PTPN12: variants seen among roughly 807,000 people sequenced by gnomAD.
PTPN12 encodes the protein tyrosine-protein phosphatase non-receptor type 12.
Under a neutral mutation model 97.6 loss-of-function variants are expected in PTPN12, and 29 were observed. That is an observed-to-expected ratio of 0.30 (90% confidence interval 0.22 to 0.41). The LOEUF is 0.41. Among genes scored for constraint, PTPN12 ranks in the 10% least tolerant of loss-of-function variants. The pLI is 1.00. For missense variants in PTPN12, 819 were observed against 926.0 expected, an observed-to-expected ratio of 0.88 and a Z score of 1.50; for synonymous variants, 327 against 300.4, an observed-to-expected ratio of 1.09 and a Z score of -0.91.
intron 2 of PTPN12, among the ~76,000 whole-genome samples, chr7:77,572,390 C>T (rs1736941966): frequency 6.6e-6 from 1 of 152,244 alleles, no homozygotes; most frequent in East Asian, 1.9e-4. Flanking sequence ...ATTGATTATT[C>T]AAGAATGTTG....
chr7:77,610,580 G>T (rs960436557), intron 9 of PTPN12, among the ~76,000 whole-genome samples, 185 bp from the exon 10 acceptor site: 1 of 152,190 alleles, frequency 6.6e-6, no homozygotes, highest in East Asian at 1.9e-4. Flanking sequence ...CATCTTGAAT[G>T]CTGAGGGTCA....
chr7:77,574,768 C>T (rs117391242), intron 2 of PTPN12, among the ~76,000 whole-genome samples: 2,791 of 152,202 alleles, frequency 0.018, 34 homozygotes, highest in Middle Eastern at 0.071. Context: ...GCCTTTTTTC[C>T]TTTAAGTTAT....
intron 1 of PTPN12, among the ~76,000 whole-genome samples, chr7:77,563,468 G>A (rs1808085870): frequency 6.6e-6 from 1 of 152,174 alleles, no homozygotes; most frequent in African/African-American, 2.4e-5. Flanking sequence ...ATAGAGATGA[G>A]GAAGTGGATG....
In PTPN12 at chr7:77,627,394, C is replaced by A. The variant is rs1227135539; in HGVS notation, c.1715C>A (p.Pro572His). The change falls in exon 13 of 18, where the codon CCT (proline) becomes CAT (histidine). Residue 572 changes from proline to histidine, a missense_variant. Pro to His is a moderately conservative substitution (Grantham distance 77). Coordinates refer to ENST00000248594, the MANE Select transcript of PTPN12 (RefSeq NM_002835.4). ...AAAACTGTGAGTTTAACACCAAGTCCTACAACACAAGTTGAAACACCTGAT... is the reference window on the plus strand; with the variant it reads ...AAAACTGTGAGTTTAACACCAAGTCATACAACACAAGTTGAAACACCTGAT... ...TRKTVSLTPS[P>H]TTQVETPDLV... 1 of 1,614,012 alleles carries A rather than the reference C, an allele frequency of 6.2e-7. No individual in the cohort carries two copies. The highest frequency in any genetic ancestry group is 1.7e-5 in the Admixed American group (1 of 59,998).
chr7:77,594,835 G>T (rs1453267650), intron 6 of PTPN12, among the ~76,000 whole-genome samples: 2 of 152,180 alleles, frequency 1.3e-5, no homozygotes, highest in Non-Finnish European at 2.9e-5. Context: ...GATAACTATA[G>T]TGAATATTAT....
intron 14 of PTPN12, 37 bp from the exon 15 acceptor site, chr7:77,635,745 C>A: frequency 2.2e-6 from 3 of 1,341,538 alleles, no homozygotes; most frequent in South Asian, 2.8e-5. Flanking sequence ...TTCAGAAATT[C>A]AAGGTGTTAA....
intron 12 of PTPN12, among the ~76,000 whole-genome samples, chr7:77,620,740 G>A (rs1788904265): frequency 6.6e-6 from 1 of 151,072 alleles, no homozygotes; most frequent in South Asian, 2.1e-4. Flanking sequence ...ACAAGGTCAG[G>A]AGTTTAAGAC....
chr7:77,630,465 C>T (rs926264599), intron 13 of PTPN12, among the ~76,000 whole-genome samples: 1 of 152,182 alleles, frequency 6.6e-6, no homozygotes, highest in Non-Finnish European at 1.5e-5. Context: ...CTGGGCCATA[C>T]AATGTAACCT....
chr7:77,570,545 A>T (rs1226487191), intron 1 of PTPN12, among the ~76,000 whole-genome samples: 1 of 152,260 alleles, frequency 6.6e-6, no homozygotes, highest in East Asian at 1.9e-4. Flanking sequence ...ACTAACCCAC[A>T]AACTAGTTCT....
intron 12 of PTPN12, among the ~76,000 whole-genome samples, chr7:77,625,490 T>C (rs1446583131): frequency 6.1e-5 from 6 of 98,112 alleles, no homozygotes; most frequent in Non-Finnish European, 1.3e-4. Flanking sequence ...TCTCTCTCTC[T>C]CTCTCTCTCT....
Position 77,638,688 on chromosome 7 carries a change from G to A in PTPN12, c.2238G>A (p.Lys746=). 2.5e-6 allele frequency: 4 copies of A among 1,607,942 alleles called. No homozygotes were observed. Among genetic ancestry groups the A allele is most frequent in the Non-Finnish European group, 3.4e-6 (4 of 1,178,186 alleles). Residue 746 remains lysine, a synonymous_variant, in exon 17 of 18, where the codon AAG becomes AAA. Coordinates refer to ENST00000248594, the MANE Select transcript of PTPN12 (RefSeq NM_002835.4). ...CIECPPTFSD[K]REQISENPTE... Reference sequence around the variant, plus strand: ...AATGTCCACCTACTTTCAGTGACAAGAGAGAACAAATATCAGAAAATCCAA... The same window carrying A: ...AATGTCCACCTACTTTCAGTGACAAAAGAGAACAAATATCAGAAAATCCAA...
At chr7:77,617,542 A>G (rs1788793600) in intron 11 of PTPN12, among the ~76,000 whole-genome samples, 1 of 152,196 alleles carries the variant, frequency 6.6e-6, no homozygotes, top group African/African-American at 2.4e-5. Flanking sequence ...AGTGCCTTTT[A>G]ATTAAAAACA....
chr7:77,613,240 TCTCGG>T (rs1466940177), intron 11 of PTPN12, among the ~76,000 whole-genome samples: 1 of 138,030 alleles, frequency 7.2e-6, no homozygotes, highest in African/African-American at 2.7e-5. Flanking sequence ...AGTAGCACAG[TCTCGG>T]CTCACTGCAA....
intron 1 of PTPN12, among the ~76,000 whole-genome samples, chr7:77,547,588 A>G (rs1030300504): frequency 3.9e-5 from 6 of 152,218 alleles, no homozygotes; most frequent in Non-Finnish European, 7.3e-5. Flanking sequence ...TGGAAAGAAC[A>G]AGATAATATA....
At chr7:77,574,481 GT>G (rs1787274141) in intron 2 of PTPN12, among the ~76,000 whole-genome samples, 1 of 152,174 alleles carries the variant, frequency 6.6e-6, no homozygotes, top group Non-Finnish European at 1.5e-5. Context: ...AACACAGGCG[GT>G]TTTAAAGCCT....
At chr7:77,565,329 C>G (rs1363933134) in intron 1 of PTPN12, among the ~76,000 whole-genome samples, 1 of 152,206 alleles carries the variant, frequency 6.6e-6, no homozygotes, top group Non-Finnish European at 1.5e-5. Flanking sequence ...TTCAAAGTCT[C>G]TTCAGTGAAT....
Position 77,627,245 on chromosome 7 carries a change from G to T in PTPN12, c.1566G>T (p.Arg522Ser), listed in dbSNP as rs374516234. The part of the protein sequence containing the change: ...EESQNSDTPP[R>S]PDRLPLDEKG... The stretch of plus-strand genomic sequence containing the variant: ...CCCAGAATTCAGACACACCTCCAAG[G>T]CCAGACCGCTTGCCTCTTGATGAGA... The change falls in exon 13 of 18, where the codon AGG becomes AGT. Residue 522 changes from arginine to serine, a missense_variant. Coordinates refer to ENST00000248594, the MANE Select transcript of PTPN12 (RefSeq NM_002835.4). 6.8e-6 allele frequency: 11 copies of T among 1,614,084 alleles called. No individual in the cohort carries two copies. The highest frequency in any genetic ancestry group is 8.5e-6 in the Non-Finnish European group (10 of 1,179,992).
At chr7:77,612,834 C>A (rs1013119106) in intron 11 of PTPN12, among the ~76,000 whole-genome samples, 7 of 151,490 alleles carry the variant, frequency 4.6e-5, no homozygotes, top group African/African-American at 1.7e-4. Flanking sequence ...GTCACTTAGG[C>A]TGGAGTGCAG....
At chr7:77,543,495 T>C (rs1271716393) in intron 1 of PTPN12, among the ~76,000 whole-genome samples, 2 of 152,110 alleles carry the variant, frequency 1.3e-5, no homozygotes, top group Admixed American at 1.3e-4. Flanking sequence ...TGTTGTAGCT[T>C]ATAGGTTTAA....
Sources: allele counts gnomAD v4.1 joint callset (sites outside exome capture counted in the v4.1 genomes callset), GRCh38; gene constraint gnomAD v4.1.1; transcripts MANE v1.5; gene names NCBI Gene and HGNC (gene_info 2026-07-23, HGNC 2026-07-21).